Variants in UBE2V2 observed in about 807,000 individuals in gnomAD.
UBE2V2 encodes the protein ubiquitin-conjugating enzyme E2 variant 2.
A neutral mutation model predicts 17.2 loss-of-function variants in UBE2V2; 9 were observed. The ratio of observed to expected loss-of-function variants is 0.52; its 90% CI spans 0.32 to 0.91. UBE2V2 has a LOEUF of 0.91. UBE2V2 is among the 40% of genes least tolerant of loss of function. The pLI is 0.04. For synonymous variants in UBE2V2, 61 were observed against 57.5 expected, an observed-to-expected ratio of 1.06 and a Z score of -0.28; for missense variants, 133 against 182.6, an observed-to-expected ratio of 0.73 and a Z score of 1.56.
rs1421403078 is a variant in UBE2V2, at chr8:48,043,166, T to C, written c.150T>C (p.Ile50=). The C allele has an allele frequency of 6.5e-7, 1 of 1,543,636 alleles. No homozygotes were observed. The highest frequency in any genetic ancestry group is 1.3e-5 in the South Asian group (1 of 75,876). ...CACTTACAAGGTGGACAGGCATGATTATTGGGCCACCAAGGGTCAGTGTTA... is the reference window on the plus strand; with the variant it reads ...CACTTACAAGGTGGACAGGCATGATCATTGGGCCACCAAGGGTCAGTGTTA... The part of the protein sequence containing the change: ...DMTLTRWTGM[I]IGPPRTNYEN... The change falls in exon 2 of 4, where the codon ATT becomes ATC. Residue 50 remains isoleucine, a synonymous_variant. Transcript: ENST00000523111.
the UBE2V2 span, among the ~76,000 whole-genome samples, chr8:48,002,260 G>A: frequency 6.6e-6 from 1 of 152,134 alleles, no homozygotes; most frequent in Non-Finnish European, 1.5e-5. Flanking sequence ...ATTCACAATA[G>A]CCTCAAGATA....
At chr8:48,057,436 G>C (rs950191263) in intron 3 of UBE2V2, among the ~76,000 whole-genome samples, 1 of 151,936 alleles carries the variant, frequency 6.6e-6, no homozygotes, top group Non-Finnish European at 1.5e-5. Flanking sequence ...CAAGTATCTG[G>C]GATCACAGGC....
At chr8:48,031,780 C>T (rs879495868) in intron 1 of UBE2V2, among the ~76,000 whole-genome samples, 2 of 151,934 alleles carry the variant, frequency 1.3e-5, no homozygotes, top group East Asian at 1.9e-4. Context: ...CTCAGCCTCC[C>T]GAGTAGAGGT....
At chr8:48,046,973 T>C (rs1211533368) in intron 2 of UBE2V2, among the ~76,000 whole-genome samples, 2 of 150,640 alleles carry the variant, frequency 1.3e-5, no homozygotes, top group Non-Finnish European at 3.0e-5. Flanking sequence ...GGAGCTTTGC[T>C]CTTGTTGCCC....
chr8:48,029,227 G>A (rs1239499192), intron 1 of UBE2V2, among the ~76,000 whole-genome samples: 1 of 152,042 alleles, frequency 6.6e-6, no homozygotes, highest in Non-Finnish European at 1.5e-5. Context: ...TCCTCAGGAG[G>A]CTAAGGCAGG....
rs535905631 is a variant in UBE2V2, at chr8:48,051,880, A to AC, written c.291+1909dup. 4.7e-5 allele frequency among the ~76,000 whole-genome samples: 7 copies of AC among 148,328 alleles called. No individual in the cohort carries two copies. In the South Asian group the frequency reaches 6.6e-4, roughly 14 times the overall value. ...GCCCTGCACCTGCTGGGCCATTAAC[A>AC]CCCCCCCACCCCTGTGCCAACTCAG... On this transcript the variant is annotated intron_variant, in intron 3 of 3. Coordinates refer to ENST00000523111, the MANE Select transcript of UBE2V2 (RefSeq NM_003350.3).
At chr8:48,006,206 G>A (rs188126098), upstream of UBE2V2, among the ~76,000 whole-genome samples, 110 of 152,258 alleles carry the variant, frequency 7.2e-4, no homozygotes, top group African/African-American at 2.4e-3. Context: ...TGTAAGGAAG[G>A]GATCCAGTTC....
the UBE2V2 span, among the ~76,000 whole-genome samples, chr8:48,000,981 G>A: frequency 6.6e-6 from 1 of 152,112 alleles, no homozygotes; most frequent in African/African-American, 2.4e-5. Flanking sequence ...GTGGACCCTT[G>A]AAGGATGGCC....
intron 1 of UBE2V2, among the ~76,000 whole-genome samples, chr8:48,009,267 C>CTTTTTTTTTTTTTTTTT (rs143794770): frequency 3.0e-5 from 4 of 133,804 alleles, no homozygotes; most frequent in Non-Finnish European, 3.3e-5. Flanking sequence ...CTTTTCTTTT[C>CTTTTTTTTTTTTTTTTT]TTTTTTTTTT....
At chr8:48,059,378 C>G (rs1225486258) in intron 3 of UBE2V2, among the ~76,000 whole-genome samples, 1 of 151,790 alleles carries the variant, frequency 6.6e-6, no homozygotes, top group Non-Finnish European at 1.5e-5. Context: ...CTTCGTTTCC[C>G]AGCTTGTCTG....
rs181296857 is a variant in UBE2V2 at position 48,027,150 on chromosome 8, G to A, written c.17-15883G>A. ...CACGTAGCTTGGATGACAAGCCTGC[G>A]CTACCATGCCTGTCTAATTTTTGTG... On this transcript the variant is annotated intron_variant, in intron 1 of 3. Transcript: ENST00000523111. 2.0e-4 allele frequency among the ~76,000 whole-genome samples: 30 copies of A among 151,998 alleles called. No individual in the cohort carries two copies. The South Asian group carries it at 4.2e-3, about 21-fold the overall frequency.
intron 1 of UBE2V2, among the ~76,000 whole-genome samples, chr8:48,035,540 C>T (rs924152659): frequency 7.3e-5 from 11 of 150,862 alleles, no homozygotes; most frequent in Non-Finnish European, 1.3e-4. Flanking sequence ...AGGCATTCTG[C>T]GCCCTGTTTT....
rs1465590741 is a variant in UBE2V2 at position 48,039,254 on chromosome 8, A to G, written c.17-3779A>G. Among the ~76,000 whole-genome samples, 6 of 152,304 alleles carry G rather than the reference A, an allele frequency of 3.9e-5. No individual in the cohort carries two copies. The East Asian group carries it at 9.6e-4, about 24-fold the overall frequency. ...CTAACACCTTTATACTTTTTGCTAC[A>G]TATGTATATATGTATAAAAACTATG... On this transcript the variant is annotated intron_variant, in intron 1 of 3. Transcript: ENST00000523111.
At chr8:48,010,149 T>C (rs973766403) in intron 1 of UBE2V2, among the ~76,000 whole-genome samples, 2 of 152,198 alleles carry the variant, frequency 1.3e-5, no homozygotes, top group Non-Finnish European at 2.9e-5. Context: ...AAATACTTTT[T>C]GTTAATCACT....
chr8:48,007,674 C>CA (rs2091193438), upstream of UBE2V2, among the ~76,000 whole-genome samples: 1 of 151,752 alleles, frequency 6.6e-6, no homozygotes, highest in Non-Finnish European at 1.5e-5. Flanking sequence ...CTCAGCCTCC[C>CA]AAAGTGTTAG....
In UBE2V2 at chr8:48,061,971, A is replaced by G. The variant is rs79392569; in HGVS notation, c.*1143A>G. Reference sequence around the variant, plus strand: ...ACTAATTGGAGACTTTTCTCTTCCAATTAGGGCTTTTAATACTAACAAGGA... The same window carrying G: ...ACTAATTGGAGACTTTTCTCTTCCAGTTAGGGCTTTTAATACTAACAAGGA... On this transcript the variant is annotated 3_prime_UTR_variant, in exon 4 of 4. Transcript: ENST00000523111. 79 of 152,260 alleles carry G rather than the reference A, an allele frequency of 5.2e-4. No individual in the cohort carries two copies. Among genetic ancestry groups the G allele is most frequent in the African/African-American group, 1.8e-3 (74 of 41,552 alleles). 9.4% of individuals were successfully genotyped at this position (152,260 alleles called of 1,614,324 possible).
At chr8:48,019,369 AAAAC>A (rs1376974095) in intron 1 of UBE2V2, among the ~76,000 whole-genome samples, 3 of 152,040 alleles carry the variant, frequency 2.0e-5, no homozygotes, top group African/African-American at 4.8e-5. Context: ...TGCTCAAAAC[AAAAC>A]AAACAAAAAT....
intron 1 of UBE2V2, among the ~76,000 whole-genome samples, chr8:48,022,142 C>CTT (rs879871970): frequency 7.0e-6 from 1 of 143,806 alleles, no homozygotes. Context: ...CAGTTTGGAT[C>CTT]TTTTTTTTTT....
chr8:48,053,248 T>C (rs753764899), intron 3 of UBE2V2, among the ~76,000 whole-genome samples: 7 of 152,122 alleles, frequency 4.6e-5, no homozygotes, highest in South Asian at 4.1e-4. Context: ...TATTGCTCTG[T>C]TAGAGTCACT....
Sources: gnomAD v4.1 joint callset for allele counts (sites outside exome capture counted in the v4.1 genomes callset) on GRCh38, gnomAD v4.1.1 for gene constraint, MANE v1.5 for transcripts, NCBI Gene and HGNC (gene_info 2026-07-23, HGNC 2026-07-21) for gene names.